The following CR1 variants were observed in gnomAD, a reference collection of about 807,000 sequenced individuals.
CR1 encodes complement receptor type 1.
CR1 carries 116 observed loss-of-function variants against 187.3 expected under a neutral mutation model. The ratio of observed to expected loss-of-function variants is 0.62; its 90% CI spans 0.53 to 0.72. CR1 has a LOEUF of 0.72. Ranked by LOEUF, CR1 falls within the 30% of genes least tolerant of loss-of-function variation. The pLI, the probability that CR1 is intolerant of heterozygous loss-of-function variation, is 0.00. For missense variants in CR1, 1,731 were observed against 2,110.7 expected (o/e 0.82, Z 3.52); for synonymous variants, 576 against 747.1 (o/e 0.77, Z 3.73).
chr1:207,612,490 C>T (rs1453831935), intron 39 of CR1, among the ~76,000 whole-genome samples: 1 of 152,156 alleles, frequency 6.6e-6, no homozygotes, highest in Non-Finnish European at 1.5e-5. Context: ...TGTTTTAACC[C>T]AATAATATAT....
At chr1:207,604,231 T>G (rs1467848468) in intron 35 of CR1, among the ~76,000 whole-genome samples, 1 of 152,234 alleles carries the variant, frequency 6.6e-6, no homozygotes, top group Non-Finnish European at 1.5e-5. Context: ...TCTTTACCAT[T>G]TTTCTACTTG....
chr1:207,510,746 T>TTTCCTTCC (rs71154819), intron 3 of CR1, among the ~76,000 whole-genome samples: 1,752 of 148,530 alleles, frequency 0.012, 40 homozygotes, highest in African/African-American at 0.041. Context: ...TCCTTCCTTC[T>TTTCCTTCC]TTCCTTCCTT....
chr1:207,635,500 G>A (rs997700197), intron 46 of CR1, among the ~76,000 whole-genome samples: 1 of 152,080 alleles, frequency 6.6e-6, no homozygotes, highest in Non-Finnish European at 1.5e-5. Flanking sequence ...CAGCCCTAAG[G>A]CGGTTTTCCC....
chr1:207,502,641 C>T (rs1219885969), intron 1 of CR1, among the ~76,000 whole-genome samples: 1 of 152,198 alleles, frequency 6.6e-6, no homozygotes, highest in Non-Finnish European at 1.5e-5. Flanking sequence ...ACAAGGGCTT[C>T]CTTGCTTAAC....
At chr1:207,584,081 G>A (rs1346470572) in intron 32 of CR1, among the ~76,000 whole-genome samples, 1 of 152,036 alleles carries the variant, frequency 6.6e-6, no homozygotes, top group Non-Finnish European at 1.5e-5. Flanking sequence ...ACACATACAG[G>A]AGTACATAGC....
chr1:207,590,139 C>T (rs1241365485), intron 35 of CR1, among the ~76,000 whole-genome samples: 1 of 152,054 alleles, frequency 6.6e-6, no homozygotes, highest in East Asian at 1.9e-4. Flanking sequence ...AGAAGAGCAA[C>T]CCCAAGACAC....
intron 39 of CR1, among the ~76,000 whole-genome samples, chr1:207,613,847 C>T (rs980291584): frequency 6.6e-6 from 1 of 152,132 alleles, no homozygotes. Context: ...CTCTTCCCCC[C>T]TCCCTTCTTT....
intron 35 of CR1, among the ~76,000 whole-genome samples, chr1:207,602,612 C>T (rs1014886296): frequency 9.9e-5 from 15 of 151,988 alleles, no homozygotes; most frequent in East Asian, 3.8e-4. Flanking sequence ...AAAGAACACT[C>T]GGCATCCTTC....
At chr1:207,605,275 A>C (rs1054364092) in intron 35 of CR1, among the ~76,000 whole-genome samples, 46 of 151,384 alleles carry the variant, frequency 3.0e-4, no homozygotes, top group African/African-American at 1.0e-3. Flanking sequence ...AAAAAAAGAA[A>C]GAAAGAAAAG....
Position 207,575,692 on chromosome 1 carries a change from T to C in CR1, c.4537+12T>C, listed in dbSNP as rs1201208930. The stretch of plus-strand genomic sequence containing the variant: ...GCCAATTTGTCAACGTGAGTTGAAA[T>C]CTCTTTCCCCATTCACCCCACCATT... On this transcript the variant is annotated intron_variant, in intron 28 of 46. Coordinates refer to ENST00000367049, the MANE Select transcript of CR1 (RefSeq NM_000651.6). 8.7e-6 allele frequency: 14 copies of C among 1,611,820 alleles called. No individual in the cohort carries two copies. The South Asian group carries it at 1.3e-4, about 15-fold the overall frequency.
chr1:207,583,694 A>C (rs921463664), intron 32 of CR1, among the ~76,000 whole-genome samples: 5 of 152,230 alleles, frequency 3.3e-5, no homozygotes, highest in African/African-American at 1.2e-4. Context: ...GTATTGATTT[A>C]TATGATGAAA....
At chr1:207,582,982 T>C (rs1218878536) in intron 32 of CR1, among the ~76,000 whole-genome samples, 1 of 152,176 alleles carries the variant, frequency 6.6e-6, no homozygotes, top group Non-Finnish European at 1.5e-5. Flanking sequence ...AGTCCCAGGC[T>C]GCCCATAGAT....
chr1:207,581,932 G>A lies in CR1; in HGVS notation c.5231G>A (p.Gly1744Asp), dbSNP rs773976185. 1.2e-6 allele frequency: 2 copies of A among 1,612,956 alleles called. No individual in the cohort carries two copies. Among genetic ancestry groups the A allele is most frequent in the African/African-American group, 2.7e-5 (2 of 74,892 alleles). The change falls in exon 32 of 47, where the codon GGC (glycine) becomes GAC (aspartate). Residue 1744 changes from glycine to aspartate, a missense_variant. By Grantham distance (94) the Gly-to-Asp change is moderately conservative. This residue lies in a region of CR1 where 1,312 missense variants were observed against 1,379.6 expected (regional missense o/e 0.95). Coordinates refer to ENST00000367049, the MANE Select transcript of CR1 (RefSeq NM_000651.6). ...FVCDEGFRLKGSSVSHCVLVG... is the reference protein window; with the variant it reads ...FVCDEGFRLKDSSVSHCVLVG... ...TTGTTCTTTAGGTTTCGCTTAAAGG[G>A]CAGTTCCGTTAGTCATTGTGTCTTG...
intron 35 of CR1, among the ~76,000 whole-genome samples, chr1:207,603,263 T>C (rs1661656840): frequency 6.6e-6 from 1 of 152,186 alleles, no homozygotes; most frequent in Admixed American, 6.5e-5. Flanking sequence ...TTCTACGAGT[T>C]CAACTATTTT....
chr1:207,506,905 A>G, intron 3 of CR1, 92 bp downstream of exon 3: 2 of 1,022,990 alleles, frequency 2.0e-6, no homozygotes, highest in Non-Finnish European at 2.9e-6. Context: ...AAGGACAACT[A>G]AACTATTACC....
intron 40 of CR1, among the ~76,000 whole-genome samples, chr1:207,615,510 T>G (rs1662066344): frequency 6.6e-6 from 1 of 152,134 alleles, no homozygotes; most frequent in Non-Finnish European, 1.5e-5. Flanking sequence ...TATGCCAAAA[T>G]TCAGAAAAAA....
intron 4 of CR1, among the ~76,000 whole-genome samples, chr1:207,523,409 T>C (rs1450509271): frequency 6.6e-6 from 1 of 152,188 alleles, no homozygotes; most frequent in Non-Finnish European, 1.5e-5. Flanking sequence ...GCAAATACTA[T>C]AGGAAATCAT....
intron 3 of CR1, among the ~76,000 whole-genome samples, chr1:207,510,825 TTC>T (rs1159647997): frequency 1.4e-5 from 2 of 143,252 alleles, no homozygotes; most frequent in Admixed American, 6.8e-5. Context: ...CCTTTTTACT[TTC>T]TTTTTTTTTT....
chr1:207,629,855 A>G (rs1662588867), intron 45 of CR1, among the ~76,000 whole-genome samples: 1 of 152,200 alleles, frequency 6.6e-6, no homozygotes, highest in Admixed American at 6.5e-5. Context: ...TGAGACCCTG[A>G]GCAAGATACT....
Sources: allele counts gnomAD v4.1 joint callset (sites outside exome capture counted in the v4.1 genomes callset), GRCh38; gene constraint gnomAD v4.1.1; regional missense constraint gnomAD v4.1.1; transcripts MANE v1.5; gene names NCBI Gene and HGNC (gene_info 2026-07-23, HGNC 2026-07-21).